ZNF525: variants seen among roughly 807,000 people sequenced by gnomAD.
ZNF525 encodes zinc finger protein 525.
A neutral mutation model predicts 37.6 loss-of-function variants in ZNF525; 33 were observed. The ratio of observed to expected loss-of-function variants is 0.88; its 90% CI spans 0.67 to 1.17. ZNF525 has a LOEUF of 1.17. Ranked by LOEUF, ZNF525 falls within the 50% of genes most tolerant of loss-of-function variation. ZNF525 has a pLI of 0.00. For synonymous variants in ZNF525, 170 were observed against 182.3 expected (o/e 0.93, Z 0.54); for missense variants, 449 against 543.1 (o/e 0.83, Z 1.72).
chr19:53,372,118 A>G (rs560153740), intron 1 of ZNF525, 97 bp from the exon 2 acceptor site: 20 of 502,924 alleles, frequency 4.0e-5, no homozygotes, highest in African/African-American at 3.3e-4. Flanking sequence ...AGGGGACTGT[A>G]TTTCATCAGG....
At chr19:53,376,377 A>G (rs766117113) in intron 3 of ZNF525, 22 of 693,764 alleles carry the variant, frequency 3.2e-5, no homozygotes, top group South Asian at 2.7e-4. Context: ...AAATATTTGC[A>G]TTTGAAATAT....
At chr19:53,370,571 C>T (rs2085480849) in intron 1 of ZNF525, among the ~76,000 whole-genome samples, 1 of 152,048 alleles carries the variant, frequency 6.6e-6, no homozygotes, top group African/African-American at 2.4e-5. Flanking sequence ...GTGACCCTGG[C>T]CCCTTAAATG....
intron 3 of ZNF525, among the ~76,000 whole-genome samples, chr19:53,378,828 A>G (rs1211476986): frequency 6.6e-6 from 1 of 152,208 alleles, no homozygotes; most frequent in Admixed American, 6.5e-5. Flanking sequence ...GGAACATCCT[A>G]TTGGAGAATA....
chr19:53,374,867 T>C (rs1446759660), intron 2 of ZNF525, among the ~76,000 whole-genome samples: 3 of 152,072 alleles, frequency 2.0e-5, no homozygotes, highest in East Asian at 1.9e-4. Flanking sequence ...TTGAGTAATC[T>C]AGTTTTCATG....
At chr19:53,378,421 C>T (rs972184696) in intron 3 of ZNF525, among the ~76,000 whole-genome samples, 5 of 152,154 alleles carry the variant, frequency 3.3e-5, no homozygotes, top group African/African-American at 9.7e-5. Flanking sequence ...CACCACTGCA[C>T]TCCAGTCTGG....
intron 3 of ZNF525, 55 bp from the exon 4 acceptor site, chr19:53,380,667 G>A (rs938377322): frequency 2.9e-5 from 24 of 835,226 alleles, no homozygotes; most frequent in Middle Eastern, 2.4e-4. Flanking sequence ...TCATGTTTGG[G>A]AAGTTTAAAA....
intron 3 of ZNF525, among the ~76,000 whole-genome samples, chr19:53,377,679 C>G (rs762530796): frequency 5.3e-5 from 8 of 151,876 alleles, no homozygotes; most frequent in African/African-American, 1.9e-4. Flanking sequence ...CTCAGTTTCC[C>G]AAGTAGCTGG....
chr19:53,372,583 G>C (rs55996121), intron 2 of ZNF525, among the ~76,000 whole-genome samples: 36,957 of 152,030 alleles, frequency 0.24, 4,771 homozygotes, highest in East Asian at 0.44. Flanking sequence ...GGGCAGCAGG[G>C]ATTGTTCAGG....
chr19:53,368,467 TG>T (rs1197861513), intron 1 of ZNF525, among the ~76,000 whole-genome samples: 1 of 152,202 alleles, frequency 6.6e-6, no homozygotes, highest in African/African-American at 2.4e-5. Context: ...CTTGAAACTG[TG>T]GGCATTGCTT....
In ZNF525 at chr19:53,365,764, GT is replaced by G; in HGVS notation, c.-68+8del. 5.6e-6 allele frequency: 1 copy of G among 178,028 alleles called. No homozygotes were observed. The highest frequency in any genetic ancestry group is 1.2e-5 in the Non-Finnish European group (1 of 83,088). 11.0% of individuals were successfully genotyped at this position (178,028 alleles called of 1,614,324 possible). On this transcript the variant is annotated splice_donor_region_variant and intron_variant, in intron 1 of 3. Transcript: ENST00000474037. Reference sequence around the variant, plus strand: ...GTGAAGGTCCCTCAGCGGCGCGTGAGTTTCGCTCCATCTTGTATGAAGTCTG... The same window carrying G: ...GTGAAGGTCCCTCAGCGGCGCGTGAGTTCGCTCCATCTTGTATGAAGTCTG...
intron 1 of ZNF525, among the ~76,000 whole-genome samples, chr19:53,370,759 C>A (rs1356504116): frequency 6.6e-6 from 1 of 152,148 alleles, no homozygotes; most frequent in Non-Finnish European, 1.5e-5. Context: ...ATCTTCGGGG[C>A]CTTTCTCTGT....
At position 53,383,645 on chromosome 19, in the gene ZNF525, C is replaced by CT. The variant is rs1234413793; in HGVS notation, c.*1628dup. Reference sequence around the variant, plus strand: ...TCAGGCAATCCGTAGTGTAGGGAAACTTGACTAACGTAATGATTCTCACAA... The same window carrying CT: ...TCAGGCAATCCGTAGTGTAGGGAAACTTTGACTAACGTAATGATTCTCACAA... On this transcript the variant is annotated 3_prime_UTR_variant, in exon 4 of 4. Transcript: ENST00000474037. 4.8e-6 allele frequency: 5 copies of CT among 1,039,550 alleles called. No homozygotes were observed. The African/African-American group carries it at 8.1e-5, about 17-fold the overall frequency. 64.4% of individuals were successfully genotyped at this position (1,039,550 alleles called of 1,614,324 possible). A position where few individuals can be genotyped will look rare whatever the true frequency, so the allele number is the denominator to read the frequency against.
chr19:53,380,230 A>G (rs1420161454), intron 3 of ZNF525, among the ~76,000 whole-genome samples: 1 of 151,858 alleles, frequency 6.6e-6, no homozygotes, highest in Non-Finnish European at 1.5e-5. Context: ...AGCTGGGAGT[A>G]CAGACGTGCA....
intron 3 of ZNF525, among the ~76,000 whole-genome samples, chr19:53,380,184 G>A (rs2085549658): frequency 6.6e-6 from 1 of 151,216 alleles, no homozygotes; most frequent in African/African-American, 2.4e-5. Flanking sequence ...TCTGCCTCTT[G>A]GGTTCAAGCA....
intron 1 of ZNF525, among the ~76,000 whole-genome samples, chr19:53,371,765 A>G (rs935138863): frequency 3.3e-5 from 5 of 152,058 alleles, no homozygotes; most frequent in Admixed American, 6.6e-5. Context: ...TCAACCTCCT[A>G]AGTAGCTGGG....
chr19:53,375,585 A>G (rs1036945510), intron 2 of ZNF525, among the ~76,000 whole-genome samples, 185 bp from the exon 3 acceptor site: 6 of 151,936 alleles, frequency 3.9e-5, no homozygotes, highest in African/African-American at 1.2e-4. Flanking sequence ...ACTCTGTCTC[A>G]AAAAAAATAA....
In ZNF525 at chr19:53,380,860, T is replaced by C. The variant is rs769627469; in HGVS notation, c.281T>C (p.Ile94Thr). 1 of 1,461,760 alleles carries C rather than the reference T, an allele frequency of 6.8e-7. No individual in the cohort carries two copies. The highest frequency in any genetic ancestry group is 1.1e-5 in the South Asian group (1 of 87,824). 90.5% of individuals were successfully genotyped at this position (1,461,760 alleles called of 1,614,324 possible). ...TCCTTCCAGGAAATTGAGAAAGATA[T>C]TCATAACTTTGAGTTTCAGTGGCAA... The part of the protein sequence containing the change: ...DFSFQEIEKD[I>T]HNFEFQWQED... The change falls in exon 4 of 4, where the codon ATT becomes ACT. Residue 94 changes from isoleucine to threonine, a missense_variant. By Grantham distance (89) the Ile-to-Thr change is moderately conservative. Transcript: ENST00000474037.
chr19:53,386,204 G>A lies in ZNF525; in HGVS notation c.*4185G>A, dbSNP rs146394773. Reference sequence around the variant, plus strand: ...TCCTTCTCTTCCATTCTTTGCCATCGTGGTGTGTGCTTGACTCTGCTTCTT... The same window carrying A: ...TCCTTCTCTTCCATTCTTTGCCATCATGGTGTGTGCTTGACTCTGCTTCTT... On this transcript the variant is annotated 3_prime_UTR_variant, in exon 4 of 4. Coordinates refer to ENST00000474037, the MANE Select transcript of ZNF525 (RefSeq NM_001348156.2). The A allele has an allele frequency of 1.7e-4, 101 of 604,414 alleles. No homozygotes were observed. In the African/African-American group the frequency reaches 1.7e-3, roughly 10 times the overall value. The allele number at this position is 604,414 out of a possible 1,614,324, so 37.4% of individuals were successfully genotyped here.
At chr19:53,376,771 A>G (rs1786588105) in intron 3 of ZNF525, among the ~76,000 whole-genome samples, 1 of 152,108 alleles carries the variant, frequency 6.6e-6, no homozygotes, top group East Asian at 1.9e-4. Context: ...AGGAGTTCAA[A>G]ACCAGCCTGT....
Sources: gnomAD v4.1 joint callset for allele counts (sites outside exome capture counted in the v4.1 genomes callset) on GRCh38, gnomAD v4.1.1 for gene constraint, MANE v1.5 for transcripts, NCBI Gene and HGNC (gene_info 2026-07-23, HGNC 2026-07-21) for gene names.